The following DMD variants were observed in gnomAD, a reference collection of about 807,000 sequenced individuals.
DMD encodes the protein dystrophin.
A neutral mutation model predicts 330.1 loss-of-function variants in DMD; 63 were observed. The observed-to-expected ratio is 0.19, with a 90% CI of 0.16 to 0.24. The LOEUF (loss-of-function observed/expected upper bound fraction) is 0.24. Among genes scored for constraint, DMD ranks in the 10% least tolerant of loss-of-function variants. The pLI is 1.00. For synonymous variants in DMD, 1,223 were observed against 959.8 expected, an observed-to-expected ratio of 1.27 and a Z score of -5.07; for missense variants, 3,344 against 2,684.1, an observed-to-expected ratio of 1.25 and a Z score of -5.43.
chrX:33,130,674 C>T (rs1460528821), intron 1 of DMD, among the ~76,000 whole-genome samples: 1 of 109,790 alleles, frequency 9.1e-6, no homozygotes, highest in Non-Finnish European at 1.9e-5. Flanking sequence ...CCTGCCTCAG[C>T]CTCCGGAGCA....
intron 60 of DMD, among the ~76,000 whole-genome samples, chrX:31,367,918 T>C (rs2059346000): frequency 8.9e-6 from 1 of 112,146 alleles, no homozygotes; most frequent in African/African-American, 3.2e-5. Context: ...AGGTATTCTA[T>C]TGACACCAAG....
At chrX:31,495,232 T>G (rs774910700) in intron 57 of DMD, among the ~76,000 whole-genome samples, 1 of 109,349 alleles carries the variant, frequency 9.1e-6, no homozygotes, top group Non-Finnish European at 1.9e-5. Context: ...TTCTCCAGAA[T>G]AATATAAACC....
At chrX:31,715,948 G>A (rs1352962589) in intron 52 of DMD, among the ~76,000 whole-genome samples, 3 of 111,862 alleles carry the variant, frequency 2.7e-5, no homozygotes, top group African/African-American at 6.5e-5. Flanking sequence ...GCTCCCCTGC[G>A]AGACAGTCCA....
At chrX:31,863,018 C>T (rs750630551) in intron 48 of DMD, among the ~76,000 whole-genome samples, 2 of 112,791 alleles carry the variant, frequency 1.8e-5, no homozygotes, top group Non-Finnish European at 3.8e-5. Flanking sequence ...CATTTTAGGC[C>T]TGAGGCTGCC....
chrX:32,341,933 C>T (rs1010773874), intron 41 of DMD, among the ~76,000 whole-genome samples, 167 bp downstream of exon 41: 1 of 111,067 alleles, frequency 9.0e-6, no homozygotes, highest in Non-Finnish European at 1.9e-5. Context: ...AAATTAAGCA[C>T]TAGTGTTACA....
intron 55 of DMD, among the ~76,000 whole-genome samples, chrX:31,530,388 C>T (rs1215350437): frequency 1.8e-5 from 2 of 111,991 alleles, no homozygotes; most frequent in Non-Finnish European, 3.8e-5. Context: ...GAAGGGGAAA[C>T]CTCCTGCTAC....
Position 32,029,288 on chromosome X carries a change from C to T in DMD, c.6439-60774G>A, listed in dbSNP as rs183930908. 3.5e-4 allele frequency among the ~76,000 whole-genome samples: 39 copies of T among 111,643 alleles called. No homozygotes were observed. In the East Asian group the frequency reaches 0.01, roughly 29 times the overall value. ...CCTCATGCAAAAATATTAAAGAATA[C>T]TTATTGAATAAATCAATCCAAGATA... On this transcript the variant is annotated intron_variant, in intron 44 of 78. Transcript: ENST00000357033.
intron 56 of DMD, among the ~76,000 whole-genome samples, chrX:31,504,190 A>T (rs989559590): frequency 9.0e-6 from 1 of 111,345 alleles, no homozygotes; most frequent in African/African-American, 3.3e-5. Context: ...TCAATATGGC[A>T]TAACATGATG....
rs186698954 is a variant in DMD at position 31,314,817 on chromosome X, T to C, written c.9224+8781A>G. Among the ~76,000 whole-genome samples, 381 of 101,314 alleles carry C rather than the reference T, an allele frequency of 3.8e-3. 2 individuals are homozygous for C. The highest frequency in any genetic ancestry group is 0.013 in the African/African-American group (367 of 27,354). The allele number at this position is 101,314 out of a possible 115,157, so 88.0% of individuals were successfully genotyped here. A position where few individuals can be genotyped will look rare whatever the true frequency, so the allele number is the denominator to read the frequency against. ...GTTAACATTTTTCCTGAAGAAAGTA[T>C]TTAATACCCTCTCCCTACCCCCTAC... On this transcript the variant is annotated intron_variant, in intron 62 of 78. Coordinates refer to ENST00000357033, the MANE Select transcript of DMD (RefSeq NM_004006.3).
At chrX:33,047,309 C>A (rs2094396550) in intron 1 of DMD, among the ~76,000 whole-genome samples, 1 of 111,679 alleles carries the variant, frequency 9.0e-6, no homozygotes, top group Non-Finnish European at 1.9e-5. Context: ...TTTAAACTTT[C>A]TTTTATTTAT....
chrX:32,204,653 G>A (rs1308937414), intron 44 of DMD, among the ~76,000 whole-genome samples: 1 of 110,502 alleles, frequency 9.0e-6, no homozygotes, highest in Non-Finnish European at 1.9e-5. Context: ...GAAACTGGGT[G>A]CTTTAAAAAG....
chrX:31,650,607 T>C (rs1270450423), intron 54 of DMD, among the ~76,000 whole-genome samples: 2 of 112,032 alleles, frequency 1.8e-5, no homozygotes, highest in Non-Finnish European at 3.8e-5. Flanking sequence ...GGACGGTATT[T>C]GTAGATACAG....
intron 61 of DMD, among the ~76,000 whole-genome samples, chrX:31,326,452 A>G (rs2056791838): frequency 9.0e-6 from 1 of 110,596 alleles, no homozygotes; most frequent in Admixed American, 9.7e-5. Flanking sequence ...AATAGGTCCA[A>G]TGGTGAGATT....
At chrX:31,749,671 G>C (rs1271735469) in intron 51 of DMD, among the ~76,000 whole-genome samples, 1 of 107,253 alleles carries the variant, frequency 9.3e-6, no homozygotes, top group East Asian at 3.1e-4. Flanking sequence ...TAATGGGATG[G>C]CTGGGTCAAA....
At chrX:32,551,278 C>T (rs1010779760) in intron 16 of DMD, among the ~76,000 whole-genome samples, 2 of 111,253 alleles carry the variant, frequency 1.8e-5, no homozygotes, top group African/African-American at 6.5e-5. Context: ...CATCAAAAAG[C>T]TAATCCACCA....
intron 1 of DMD, among the ~76,000 whole-genome samples, chrX:33,334,029 T>G (rs1302641291): frequency 9.0e-6 from 1 of 111,191 alleles, no homozygotes; most frequent in African/African-American, 3.3e-5. Context: ...ACTTTCACCC[T>G]TTCTGTAAGT....
intron 7 of DMD, among the ~76,000 whole-genome samples, chrX:32,733,934 A>G (rs1323337596): frequency 9.4e-6 from 1 of 106,223 alleles, no homozygotes; most frequent in East Asian, 2.9e-4. Context: ...TGAAGGAAAT[A>G]GAGACACAAA....
intron 63 of DMD, among the ~76,000 whole-genome samples, chrX:31,246,089 T>C (rs2048807398): frequency 8.9e-6 from 1 of 112,280 alleles, no homozygotes; most frequent in South Asian, 3.7e-4. Context: ...AGTACTACCC[T>C]GCGAGCACAC....
chrX:31,730,032 T>C, intron 51 of DMD, among the ~76,000 whole-genome samples: 1 of 112,257 alleles, frequency 8.9e-6, no homozygotes, highest in South Asian at 3.7e-4. Context: ...ACTGTCTGAA[T>C]GCCTTGAGTA....
Sources: allele counts gnomAD v4.1 joint callset (sites outside exome capture counted in the v4.1 genomes callset), GRCh38; gene constraint gnomAD v4.1.1; transcripts MANE v1.5; gene names NCBI Gene and HGNC (gene_info 2026-07-23, HGNC 2026-07-21).